TTC12: variants seen among roughly 807,000 people sequenced by gnomAD.
TTC12 encodes the protein tetratricopeptide repeat domain 12, also known as tetratricopeptide repeat protein 12.
A neutral mutation model predicts 90.1 loss-of-function variants in TTC12; 70 were observed. That is an observed-to-expected ratio of 0.78 (90% CI 0.64 to 0.95). TTC12 has a LOEUF of 0.95. Among genes scored for constraint, TTC12 ranks in the 40% least tolerant of loss-of-function variants. The probability of loss-of-function intolerance (pLI) is 0.00; values close to 1 mark genes in which losing one functional copy is unlikely to be tolerated. For synonymous variants in TTC12, 296 were observed against 311.5 expected, an observed-to-expected ratio of 0.95 and a Z score of 0.53; for missense variants, 819 against 846.1, an observed-to-expected ratio of 0.97 and a Z score of 0.40.
intron 21 of TTC12, among the ~76,000 whole-genome samples, chr11:113,372,443 G>A (rs1234775412): frequency 6.6e-6 from 1 of 152,148 alleles, no homozygotes; most frequent in East Asian, 1.9e-4. Context: ...ACAAGATAAA[G>A]GGCAAACTCA....
chr11:113,326,326 TG>T (rs1385850994), intron 6 of TTC12, among the ~76,000 whole-genome samples: 1 of 152,198 alleles, frequency 6.6e-6, no homozygotes, highest in Non-Finnish European at 1.5e-5. Flanking sequence ...ACCTTATCTT[TG>T]AAAAGTAGTT....
intron 2 of TTC12, 35 bp from the exon 3 acceptor site, chr11:113,323,253 T>C (rs1032388570): frequency 2.7e-6 from 4 of 1,494,668 alleles, no homozygotes; most frequent in Non-Finnish European, 3.6e-6. Flanking sequence ...TTTGAATATC[T>C]TGTTTGATTA....
chr11:113,368,757 G>A, downstream of TTC12: 1 of 512,782 alleles, frequency 2.0e-6, no homozygotes, highest in Non-Finnish European at 3.5e-6. Context: ...GTTCAAATAA[G>A]AGCTTCTTGG....
In TTC12 at chr11:113,324,696, C is replaced by A; in HGVS notation, c.322+14C>A. ...TCTTGGCGGATGGTAATTGTCAGTC[C>A]TTACTTTTCAATGGCTGGGATGATT... is the stretch of plus-strand genomic sequence containing the variant. On this transcript the variant is annotated intron_variant, in intron 5 of 21. Coordinates refer to ENST00000529221, the MANE Select transcript of TTC12 (RefSeq NM_017868.4). 1 of 1,610,760 alleles carries A rather than the reference C, an allele frequency of 6.2e-7. No individual in the cohort carries two copies. Among genetic ancestry groups the A allele is most frequent in the Non-Finnish European group, 8.5e-7 (1 of 1,177,558 alleles).
At chr11:113,333,811 T>C (rs1296560325) in intron 7 of TTC12, among the ~76,000 whole-genome samples, 1 of 152,224 alleles carries the variant, frequency 6.6e-6, no homozygotes, top group Non-Finnish European at 1.5e-5. Context: ...ACAATTATTG[T>C]TCTCTCTTTT....
At chr11:113,320,387 C>T (rs573121059) in intron 2 of TTC12, among the ~76,000 whole-genome samples, 1 of 152,030 alleles carries the variant, frequency 6.6e-6, no homozygotes, top group Admixed American at 6.6e-5. Context: ...AATGGCAGAA[C>T]GACACAGTAG....
chr11:113,362,036 AAAAGAT>A (rs1269233263), intron 18 of TTC12, among the ~76,000 whole-genome samples: 3 of 152,246 alleles, frequency 2.0e-5, no homozygotes, highest in East Asian at 3.9e-4. Context: ...CAAAGATTCG[AAAAGAT>A]AAAGATAAAT....
chr11:113,329,135 T>C lies in TTC12; in HGVS notation c.445-785T>C, dbSNP rs1419388510. ...ATGGATGTATATTTATATTCTTCTTTGGTATATACCTAGGAGTAAAATTAC... is the reference window on the plus strand; with the variant it reads ...ATGGATGTATATTTATATTCTTCTTCGGTATATACCTAGGAGTAAAATTAC... On this transcript the variant is annotated intron_variant, in intron 6 of 21. Coordinates refer to ENST00000529221, the MANE Select transcript of TTC12 (RefSeq NM_017868.4). Among the ~76,000 whole-genome samples, 6 of 152,364 alleles carry C rather than the reference T, an allele frequency of 3.9e-5. 1 individual carries two copies. In the South Asian group the frequency reaches 8.3e-4, roughly 21 times the overall value.
chr11:113,368,343 A>G, downstream of TTC12: 1 of 1,547,514 alleles, frequency 6.5e-7, no homozygotes, highest in African/African-American at 1.4e-5. Context: ...GTTACCCCTA[A>G]CACATGCTAC....
At chr11:113,330,397 T>TAGAATAATCAGAAGAAAGAATAATCA (rs1947981498) in intron 7 of TTC12, among the ~76,000 whole-genome samples, 1 of 152,192 alleles carries the variant, frequency 6.6e-6, no homozygotes, top group Non-Finnish European at 1.5e-5. Context: ...ATCCTCTATT[T>TAGAATAATCAGAAGAAAGAATAATCA]GTAGAGGAAT....
chr11:113,344,207 G>A, intron 12 of TTC12, 65 bp from the exon 13 acceptor site: 2 of 1,520,792 alleles, frequency 1.3e-6, no homozygotes, highest in Non-Finnish European at 1.8e-6. Context: ...TAGGATAGAG[G>A]GTGACAGAGC....
chr11:113,337,803 G>A (rs1555144496), intron 8 of TTC12, among the ~76,000 whole-genome samples: 1 of 152,138 alleles, frequency 6.6e-6, no homozygotes, highest in African/African-American at 2.4e-5. Flanking sequence ...CAAGCAAGAG[G>A]TGGTGATGGG....
At chr11:113,320,153 C>T (rs6589369) in intron 2 of TTC12, among the ~76,000 whole-genome samples, 60,869 of 151,896 alleles carry the variant, frequency 0.4, 13,737 homozygotes, top group Middle Eastern at 0.52. Flanking sequence ...ACAACTGATA[C>T]GGGTAGGAGA....
chr11:113,323,444 C>T lies in TTC12; in HGVS notation c.215C>T (p.Ala72Val), dbSNP rs782426374. The change falls in exon 3 of 22, where the codon GCT becomes GTT. Residue 72 changes from alanine to valine, a missense_variant. Coordinates refer to ENST00000529221, the MANE Select transcript of TTC12 (RefSeq NM_017868.4). Reference sequence around the variant, plus strand: ...ACTATGATCAGTCCTCCACAAACTGCTATGAAGGTTTCTTTTTCTATTGAG... The same window carrying T: ...ACTATGATCAGTCCTCCACAAACTGTTATGAAGGTTTCTTTTTCTATTGAG... Reference protein sequence around the residue: ...NKTMISPPQTAMKSAEEINSE... With the variant: ...NKTMISPPQTVMKSAEEINSE... 1 of 1,582,304 alleles carries T rather than the reference C, an allele frequency of 6.3e-7. No individual in the cohort carries two copies. The highest frequency in any genetic ancestry group is 8.6e-7 in the Non-Finnish European group (1 of 1,169,356).
intron 16 of TTC12, among the ~76,000 whole-genome samples, chr11:113,353,563 C>G (rs1949436784): frequency 6.6e-6 from 1 of 152,056 alleles, no homozygotes. Context: ...ATGGTATTGC[C>G]TAGGTTATCT....
At chr11:113,367,888 A>G (rs908334712), downstream of TTC12, among the ~76,000 whole-genome samples, 2 of 152,210 alleles carry the variant, frequency 1.3e-5, no homozygotes, top group Non-Finnish European at 2.9e-5. Context: ...CATGCAAACA[A>G]ACACCCTTCA....
At chr11:113,349,645 G>A (rs1377140181) in intron 13 of TTC12, among the ~76,000 whole-genome samples, 2 of 152,152 alleles carry the variant, frequency 1.3e-5, no homozygotes, top group African/African-American at 4.8e-5. Flanking sequence ...ATATTCAGCA[G>A]CCTGTCACAA....
intron 19 of TTC12, among the ~76,000 whole-genome samples, chr11:113,363,369 G>A (rs1173039991): frequency 6.6e-6 from 1 of 152,244 alleles, no homozygotes; most frequent in African/African-American, 2.4e-5. Context: ...TGATTGCAAG[G>A]GCTGTGTTTG....
At chr11:113,323,222 C>A (rs1344226853) in intron 2 of TTC12, 66 bp from the exon 3 acceptor site, 2 of 1,279,002 alleles carry the variant, frequency 1.6e-6, no homozygotes, top group Non-Finnish European at 2.1e-6. Flanking sequence ...TATGCACCAT[C>A]CTTTCTAGTG....
Sources: gnomAD v4.1 joint callset for allele counts (sites outside exome capture counted in the v4.1 genomes callset) on GRCh38, gnomAD v4.1.1 for gene constraint, MANE v1.5 for transcripts, NCBI Gene and HGNC (gene_info 2026-07-23, HGNC 2026-07-21) for gene names.